The following GRIK4 variants were observed in gnomAD, a reference collection of about 807,000 sequenced individuals.
GRIK4 encodes glutamate receptor ionotropic, kainate 4.
A neutral mutation model predicts 104.9 loss-of-function variants in GRIK4; 40 were observed. That is an observed-to-expected ratio of 0.38 (90% confidence interval 0.30 to 0.50). GRIK4 has a LOEUF of 0.50. Ranked by LOEUF, GRIK4 falls within the 20% of genes least tolerant of loss-of-function variation. The probability of loss-of-function intolerance (pLI) is 0.93; values close to 1 mark genes in which losing one functional copy is unlikely to be tolerated. For missense variants in GRIK4, 1,047 were observed against 1,308.1 expected, an observed-to-expected ratio of 0.80 and a Z score of 3.08; for synonymous variants, 485 against 524.9, an observed-to-expected ratio of 0.92 and a Z score of 1.04.
intron 3 of GRIK4, among the ~76,000 whole-genome samples, chr11:120,727,381 G>A (rs1290262345): frequency 6.6e-6 from 1 of 152,146 alleles, no homozygotes; most frequent in Non-Finnish European, 1.5e-5. Context: ...ATCTCAGAAA[G>A]GAAGCCACCA....
chr11:120,815,310 T>A (rs1591948245), intron 4 of GRIK4, 68 bp from the exon 5 acceptor site: 3 of 871,392 alleles, frequency 3.4e-6, no homozygotes, highest in Non-Finnish European at 5.6e-6. Context: ...AGGAGAGGAC[T>A]GGGCCATGGC....
rs560177666 is a variant in GRIK4 at position 120,664,051 on chromosome 11, T to C, written c.82+3651T>C. Among the ~76,000 whole-genome samples the C allele has an allele frequency of 1.5e-4, 23 of 152,296 alleles. No homozygotes were observed. In the East Asian group the frequency reaches 4.4e-3, roughly 29 times the overall value. ...ATCCCCAACAGAAGGGCCCAACACA[T>C]GATGCAAAGAAGTATATGGGTGCAG... On this transcript the variant is annotated intron_variant, in intron 3 of 20. Transcript: ENST00000527524.
chr11:120,966,155 CCTT>C (rs1204091961), intron 18 of GRIK4, among the ~76,000 whole-genome samples: 3 of 151,788 alleles, frequency 2.0e-5, no homozygotes, highest in African/African-American at 7.3e-5. Flanking sequence ...CAGAAAAAAA[CCTT>C]CTTTTGAGGA....
At chr11:120,904,380 T>C (rs1317022938) in intron 12 of GRIK4, among the ~76,000 whole-genome samples, 1 of 152,184 alleles carries the variant, frequency 6.6e-6, no homozygotes, top group Non-Finnish European at 1.5e-5. Context: ...CAACCAGTTA[T>C]CAGACCTGTT....
chr11:120,706,768 G>A (rs1272481537), intron 3 of GRIK4, among the ~76,000 whole-genome samples: 2 of 152,188 alleles, frequency 1.3e-5, no homozygotes, highest in Non-Finnish European at 2.9e-5. Flanking sequence ...AGTAGGGATG[G>A]CAACTGGTTC....
intron 3 of GRIK4, among the ~76,000 whole-genome samples, chr11:120,741,977 T>C (rs779501895): frequency 9.2e-5 from 14 of 152,080 alleles, no homozygotes; most frequent in Non-Finnish European, 1.5e-4. Flanking sequence ...GAGGAACAAA[T>C]ATGATCTGGG....
intron 6 of GRIK4, among the ~76,000 whole-genome samples, chr11:120,827,489 G>A (rs866962936): frequency 1.3e-5 from 2 of 152,260 alleles, no homozygotes; most frequent in South Asian, 4.1e-4. Flanking sequence ...GGAGAGGAGG[G>A]TGGGGGTGGA....
chr11:120,743,445 A>G (rs1951375978), intron 3 of GRIK4, among the ~76,000 whole-genome samples: 1 of 152,176 alleles, frequency 6.6e-6, no homozygotes, highest in South Asian at 2.1e-4. Context: ...AGGAGAAGGG[A>G]GAGGAGTGGA....
At chr11:120,567,044 T>C (rs948442238) in intron 1 of GRIK4, among the ~76,000 whole-genome samples, 10 of 147,010 alleles carry the variant, frequency 6.8e-5, no homozygotes, top group Non-Finnish European at 1.3e-4. Context: ...TTGCTATTCA[T>C]AGGTGTGGTT....
chr11:120,684,221 G>T (rs1170127334), intron 3 of GRIK4, among the ~76,000 whole-genome samples: 1 of 152,168 alleles, frequency 6.6e-6, no homozygotes, highest in Non-Finnish European at 1.5e-5. Flanking sequence ...TATTTGGGAG[G>T]CTGAGGCAGG....
At chr11:120,616,492 C>A (rs1158210479) in intron 1 of GRIK4, among the ~76,000 whole-genome samples, 5 of 152,170 alleles carry the variant, frequency 3.3e-5, no homozygotes, top group Non-Finnish European at 4.4e-5. Context: ...AAGCTGGATA[C>A]TTTGGTCTGG....
intron 1 of GRIK4, among the ~76,000 whole-genome samples, chr11:120,590,456 T>G (rs1379908627): frequency 2.6e-5 from 4 of 152,218 alleles, no homozygotes; most frequent in Non-Finnish European, 5.9e-5. Flanking sequence ...CAGCCCTAGA[T>G]GAGTCCTATC....
At chr11:120,684,228 C>T (rs2135294009) in intron 3 of GRIK4, among the ~76,000 whole-genome samples, 1 of 152,226 alleles carries the variant, frequency 6.6e-6, no homozygotes, top group Admixed American at 6.5e-5. Flanking sequence ...GAGGCTGAGG[C>T]AGGAGAATCA....
chr11:120,703,894 T>C (rs1214011787), intron 3 of GRIK4, among the ~76,000 whole-genome samples: 1 of 152,202 alleles, frequency 6.6e-6, no homozygotes, highest in Non-Finnish European at 1.5e-5. Flanking sequence ...CTTGATCATC[T>C]TTGGTAGCAC....
chr11:120,825,616 A>G (rs375262251), intron 6 of GRIK4, among the ~76,000 whole-genome samples: 1 of 152,350 alleles, frequency 6.6e-6, no homozygotes, highest in South Asian at 2.1e-4. Flanking sequence ...ATCTCGAGGC[A>G]GTCCCTGCCC....
intron 17 of GRIK4, among the ~76,000 whole-genome samples, chr11:120,962,114 C>G (rs886320474): frequency 2.6e-5 from 4 of 152,084 alleles, no homozygotes; most frequent in African/African-American, 9.7e-5. Flanking sequence ...AATGAAGGTA[C>G]CCAGCCAGAA....
At chr11:120,582,946 A>G (rs1948608689) in intron 1 of GRIK4, among the ~76,000 whole-genome samples, 1 of 152,216 alleles carries the variant, frequency 6.6e-6, no homozygotes, top group East Asian at 1.9e-4. Flanking sequence ...GGTTTCCACA[A>G]TGGCTGAATT....
intron 1 of GRIK4, among the ~76,000 whole-genome samples, chr11:120,551,778 AAAAT>A (rs35993230): frequency 2.2e-4 from 33 of 150,368 alleles, no homozygotes; most frequent in African/African-American, 4.9e-4. Flanking sequence ...GAGACTCTGT[AAAAT>A]AAATAAATAA....
intron 1 of GRIK4, among the ~76,000 whole-genome samples, chr11:120,626,408 A>T (rs1339602732): frequency 1.3e-5 from 2 of 152,180 alleles, no homozygotes; most frequent in African/African-American, 2.4e-5. Context: ...GGCACACTTT[A>T]TTGGAGGGAA....
Sources: allele counts gnomAD v4.1 joint callset (sites outside exome capture counted in the v4.1 genomes callset), GRCh38; gene constraint gnomAD v4.1.1; transcripts MANE v1.5; gene names NCBI Gene and HGNC (gene_info 2026-07-23, HGNC 2026-07-21).